Variants in MGST1 observed in about 807,000 individuals in gnomAD.
MGST1 encodes the protein microsomal glutathione S-transferase 1, also known as glutathione S-transferase 12.
MGST1 carries 5 observed loss-of-function variants against 8.9 expected under a neutral mutation model. The ratio of observed to expected loss-of-function variants is 0.56; its 90% CI spans 0.29 to 1.19. The LOEUF is 1.19. MGST1 is among the 50% of genes most tolerant of loss of function. The pLI, the probability that MGST1 is intolerant of heterozygous loss-of-function variation, is 0.08. For missense variants in MGST1, 182 were observed against 187.4 expected (o/e 0.97, Z 0.17); for synonymous variants, 54 against 67.8 (o/e 0.80, Z 1.00).
At chr12:16,589,859 T>A (rs1943436218), downstream of MGST1, among the ~76,000 whole-genome samples, 1 of 152,100 alleles carries the variant, frequency 6.6e-6, no homozygotes, top group South Asian at 2.1e-4. The surrounding 1 kb of genome is among the most constrained non-coding windows in gnomAD (Gnocchi z 4.2). Flanking sequence ...GCCCCCAAGA[T>A]GCAGACCACA....
At chr12:16,429,365 T>C (rs1459386662) in intron 1 of MGST1, among the ~76,000 whole-genome samples, 2 of 152,168 alleles carry the variant, frequency 1.3e-5, no homozygotes, top group African/African-American at 2.4e-5. Context: ...ATTCTTTTGA[T>C]AGTCTTAACT....
chr12:16,534,642 T>C (rs1941743498), intron 4 of MGST1, among the ~76,000 whole-genome samples: 3 of 152,164 alleles, frequency 2.0e-5, no homozygotes, highest in Admixed American at 1.3e-4. Context: ...ATCCCGGAAA[T>C]AGACTTGCAG....
intron 4 of MGST1, among the ~76,000 whole-genome samples, chr12:16,467,330 A>G (rs918977188): frequency 3.3e-5 from 5 of 152,246 alleles, no homozygotes; most frequent in Non-Finnish European, 5.9e-5. Flanking sequence ...ATTCCATGCC[A>G]TATTAGCATT....
intron 4 of MGST1, among the ~76,000 whole-genome samples, chr12:16,581,945 G>T (rs1943171880): frequency 6.6e-6 from 1 of 151,960 alleles, no homozygotes. Context: ...ATTTTCTGCA[G>T]ATAAAATAAT....
intron 4 of MGST1, among the ~76,000 whole-genome samples, chr12:16,566,039 T>TATATATATATATATAA (rs1565488437): frequency 1.2e-5 from 1 of 86,506 alleles, no homozygotes; most frequent in Non-Finnish European, 2.3e-5. Context: ...TATATATATA[T>TATATATATATATATAA]AAAATGGAGT....
chr12:16,479,791 C>A (rs1183026714), intron 4 of MGST1, among the ~76,000 whole-genome samples: 1 of 152,130 alleles, frequency 6.6e-6, no homozygotes, highest in Admixed American at 6.5e-5. Flanking sequence ...CTGCCTTGGC[C>A]TCCCAAAGTG....
At chr12:16,399,420 C>T (rs1940633745) in intron 1 of MGST1, 32 of 1,523,606 alleles carry the variant, frequency 2.1e-5, no homozygotes, top group Non-Finnish European at 2.8e-5. Flanking sequence ...CTTATAACAA[C>T]TTTCTTGGTC....
At chr12:16,496,547 G>A (rs1385223816) in intron 4 of MGST1, among the ~76,000 whole-genome samples, 1 of 152,092 alleles carries the variant, frequency 6.6e-6, no homozygotes, top group Non-Finnish European at 1.5e-5. Context: ...GCATGATGCT[G>A]AGGTTTGGGG....
intron 4 of MGST1, among the ~76,000 whole-genome samples, chr12:16,523,251 A>G (rs1244305847): frequency 6.6e-6 from 1 of 152,094 alleles, no homozygotes; most frequent in Non-Finnish European, 1.5e-5. Context: ...GCCCTGGACC[A>G]AGTCTTAGTA....
Position 16,347,975 on chromosome 12 carries a change from T to C in MGST1, c.-23+265T>C, listed in dbSNP as rs77089796. ...ATGCTTGAGTGATGATTTCCAAACTTAGCCTTTTCAAGTCAAAGTAACCTC... is the reference window on the plus strand; with the variant it reads ...ATGCTTGAGTGATGATTTCCAAACTCAGCCTTTTCAAGTCAAAGTAACCTC... On this transcript the variant is annotated intron_variant, in intron 1 of 3. Transcript: ENST00000396210. This position sits in a 1 kb window ranked among gnomAD's most constrained non-coding sequence, Gnocchi z 4.0. 6.6e-6 allele frequency: 1 copy of C among 152,326 alleles called. No homozygotes were observed. The highest frequency in any genetic ancestry group is 2.4e-5 in the African/African-American group (1 of 41,576). 9.4% of individuals were successfully genotyped at this position (152,326 alleles called of 1,614,324 possible). A position where few individuals can be genotyped will look rare whatever the true frequency, so the allele number is the denominator to read the frequency against.
rs984477215 is a variant in MGST1 at position 16,576,043 on chromosome 12, T to A, written n.483-13485T>A. ...GCCCTGCCGCTGTGTTAAAAGGGGA[T>A]CTGTCCTCTTTTGTCTCAGTAAGCT... On this transcript the variant is annotated intron_variant and non_coding_transcript_variant, in intron 4 of 4. Transcript: ENST00000538857. The surrounding 1 kb of genome is among the most constrained non-coding windows in gnomAD (Gnocchi z 4.1). Among the ~76,000 whole-genome samples the A allele has an allele frequency of 6.6e-6, 1 of 152,150 alleles. No homozygotes were observed. Among genetic ancestry groups the A allele is most frequent in the Non-Finnish European group, 1.5e-5 (1 of 68,030 alleles).
chr12:16,560,215 T>C lies in MGST1; in HGVS notation n.483-29313T>C, dbSNP rs1294682247. Among the ~76,000 whole-genome samples the C allele has an allele frequency of 6.6e-6, 1 of 152,176 alleles. No individual in the cohort carries two copies. The highest frequency in any genetic ancestry group is 1.5e-5 in the Non-Finnish European group (1 of 68,024). On this transcript the variant is annotated intron_variant and non_coding_transcript_variant, in intron 4 of 4. Coordinates refer to the MGST1 transcript ENST00000538857. The surrounding 1 kb of genome is among the most constrained non-coding windows in gnomAD (Gnocchi z 5.0). ...CTGTTACTTGCTCTTATATGATGCTTTTCTTTCAGGTAGAAGTAAGTCTTA... is the reference window on the plus strand; with the variant it reads ...CTGTTACTTGCTCTTATATGATGCTCTTCTTTCAGGTAGAAGTAAGTCTTA...
chr12:16,456,564 G>A (rs1941174300), intron 4 of MGST1, among the ~76,000 whole-genome samples: 1 of 151,782 alleles, frequency 6.6e-6, no homozygotes, highest in Admixed American at 6.6e-5. Flanking sequence ...ACTTACTTAA[G>A]GAACATCAGT....
At position 16,544,400 on chromosome 12, in the gene MGST1, A is replaced by G. The variant is rs1240698758; in HGVS notation, n.483-45128A>G. ...TTGTCATACAAAAGAGAAAAAGCCAAATATGATATATGTGGCTTGTTTCTT... is the reference window on the plus strand; with the variant it reads ...TTGTCATACAAAAGAGAAAAAGCCAGATATGATATATGTGGCTTGTTTCTT... On this transcript the variant is annotated intron_variant and non_coding_transcript_variant, in intron 4 of 4. Coordinates refer to the MGST1 transcript ENST00000538857. This position sits in a 1 kb window ranked among gnomAD's most constrained non-coding sequence, Gnocchi z 4.8. Among the ~76,000 whole-genome samples the G allele has an allele frequency of 6.6e-6, 1 of 152,054 alleles. No homozygotes were observed. The highest frequency in any genetic ancestry group is 2.4e-5 in the African/African-American group (1 of 41,426).
At chr12:16,420,438 T>C (rs1288244159) in intron 1 of MGST1, among the ~76,000 whole-genome samples, 1 of 152,178 alleles carries the variant, frequency 6.6e-6, no homozygotes, top group Admixed American at 6.5e-5. Context: ...TTTTTAAATA[T>C]AGATTAAAAA....
At chr12:16,427,414 G>A (rs1475468432) in intron 1 of MGST1, among the ~76,000 whole-genome samples, 2 of 152,094 alleles carry the variant, frequency 1.3e-5, no homozygotes, top group African/African-American at 4.8e-5. Flanking sequence ...ACAGAGTCTG[G>A]CTTTGTCACC....
At chr12:16,498,785 A>G (rs1453417803) in intron 4 of MGST1, among the ~76,000 whole-genome samples, 1 of 152,198 alleles carries the variant, frequency 6.6e-6, no homozygotes, top group East Asian at 1.9e-4. Context: ...TGCACCAACT[A>G]AGGGAAAAAG....
chr12:16,569,009 T>G (rs2137416592), intron 4 of MGST1, among the ~76,000 whole-genome samples: 1 of 152,330 alleles, frequency 6.6e-6, no homozygotes, highest in Admixed American at 6.5e-5. Context: ...AGCTCTCTCA[T>G]AATCTGAAAT....
chr12:16,428,398 T>C (rs1467133804), intron 1 of MGST1, among the ~76,000 whole-genome samples: 1 of 151,878 alleles, frequency 6.6e-6, no homozygotes, highest in Non-Finnish European at 1.5e-5. Flanking sequence ...GTAACATTTC[T>C]AGATACATAT....
Sources: allele counts gnomAD v4.1 joint callset (sites outside exome capture counted in the v4.1 genomes callset), GRCh38; gene constraint gnomAD v4.1.1; non-coding constraint Gnocchi (gnomAD v3.1); transcripts MANE v1.5; gene names NCBI Gene and HGNC (gene_info 2026-07-23, HGNC 2026-07-21).